MBD5: variants seen among roughly 807,000 people sequenced by gnomAD.
The protein encoded by MBD5 is methyl-CpG binding domain protein 5, also known as methyl-CpG-binding domain protein 5.
In MBD5, 13 loss-of-function variants were observed where a neutral mutation model predicts 117.3. That is an observed-to-expected ratio of 0.11 (90% CI 0.07 to 0.18). MBD5 has a LOEUF of 0.18. Ranked by LOEUF, MBD5 falls within the 10% of genes least tolerant of loss-of-function variation. The pLI is 1.00. For missense variants in MBD5, 1,879 were observed against 2,093.8 expected (o/e 0.90, Z 2.00); for synonymous variants, 727 against 766.4 (o/e 0.95, Z 0.85).
intron 3 of MBD5, among the ~76,000 whole-genome samples, chr2:148,250,049 C>T (rs1349832482): frequency 1.3e-5 from 2 of 152,158 alleles, no homozygotes; most frequent in Non-Finnish European, 2.9e-5. Context: ...TAACTACCCT[C>T]GTAGACCCAC....
intron 1 of MBD5, among the ~76,000 whole-genome samples, chr2:148,142,856 A>T (rs1167290235): frequency 1.3e-5 from 2 of 152,218 alleles, no homozygotes; most frequent in African/African-American, 2.4e-5. Flanking sequence ...TACTAAGTAC[A>T]TATAAAACTA....
chr2:148,422,568 C>A (rs1705643387), intron 4 of MBD5, among the ~76,000 whole-genome samples: 1 of 152,148 alleles, frequency 6.6e-6, no homozygotes, highest in South Asian at 2.1e-4. Context: ...GGGAACAGAA[C>A]TGGACAGAGA....
intron 3 of MBD5, among the ~76,000 whole-genome samples, chr2:148,266,854 A>G (rs954827635): frequency 1.3e-5 from 2 of 152,218 alleles, no homozygotes; most frequent in Non-Finnish European, 2.9e-5. Context: ...AACACAATAA[A>G]ACGCAAATTT....
intron 11 of MBD5, among the ~76,000 whole-genome samples, chr2:148,494,785 C>A (rs1681646662): frequency 1.3e-5 from 2 of 152,054 alleles, no homozygotes; most frequent in Non-Finnish European, 2.9e-5. Context: ...CACGGTGAAA[C>A]CCCGTCTCTA....
rs948400766 is a variant in MBD5, at chr2:148,132,574, C to T, written c.-924-46126C>T. Among the ~76,000 whole-genome samples the T allele has an allele frequency of 3.3e-5, 5 of 152,132 alleles. No individual in the cohort carries two copies. The South Asian group carries it at 1.0e-3, about 32-fold the overall frequency. On this transcript the variant is annotated intron_variant, in intron 1 of 13. Transcript: ENST00000642680. Reference sequence around the variant, plus strand: ...TCCTCATACATCTTTTCCCATCTTGCATAACACAAAAATAGCTAACTGCTT... The same window carrying T: ...TCCTCATACATCTTTTCCCATCTTGTATAACACAAAAATAGCTAACTGCTT...
At chr2:148,488,614 G>A (rs896716291) in intron 10 of MBD5, among the ~76,000 whole-genome samples, 33 of 133,942 alleles carry the variant, frequency 2.5e-4, no homozygotes, top group Admixed American at 4.2e-4. Flanking sequence ...AAAGTTCAAA[G>A]TATCAAGGGT....
intron 1 of MBD5, among the ~76,000 whole-genome samples, chr2:148,111,833 CTA>C (rs1696509934): frequency 6.6e-6 from 1 of 152,040 alleles, no homozygotes; most frequent in African/African-American, 2.4e-5. Flanking sequence ...CCTATATATA[CTA>C]TGTTTTTTTC....
chr2:148,302,650 C>G (rs560880665), intron 3 of MBD5, among the ~76,000 whole-genome samples: 55 of 151,612 alleles, frequency 3.6e-4, no homozygotes, highest in Middle Eastern at 6.8e-3. Context: ...TCTGGGTTTT[C>G]TGGAGACACG....
In MBD5 at chr2:148,151,446, G is replaced by T. The variant is rs552020899; in HGVS notation, c.-924-27254G>T. Among the ~76,000 whole-genome samples the T allele has an allele frequency of 7.2e-5, 11 of 152,326 alleles. No homozygotes were observed. In the South Asian group the frequency reaches 2.3e-3, roughly 32 times the overall value. ...TACCCAGCTTTGGTATCAGAATGAT[G>T]CTGGCCTCATAAAATGAGTTAGGGA... On this transcript the variant is annotated intron_variant, in intron 1 of 13. Coordinates refer to ENST00000642680, the MANE Select transcript of MBD5 (RefSeq NM_001378120.1).
At chr2:148,155,748 A>G (rs573247030) in intron 1 of MBD5, among the ~76,000 whole-genome samples, 1 of 152,322 alleles carries the variant, frequency 6.6e-6, no homozygotes, top group East Asian at 1.9e-4. Flanking sequence ...TGGTTATTAA[A>G]CTTGAAATGA....
At chr2:148,154,584 A>G (rs1697809456) in intron 1 of MBD5, among the ~76,000 whole-genome samples, 2 of 151,738 alleles carry the variant, frequency 1.3e-5, no homozygotes, top group African/African-American at 4.8e-5. Context: ...AATCAGCGAG[A>G]CTCCCTGGGC....
chr2:148,269,809 C>T (rs1475609732), intron 3 of MBD5, among the ~76,000 whole-genome samples: 1 of 151,410 alleles, frequency 6.6e-6, no homozygotes, highest in African/African-American at 2.4e-5. Context: ...TACATATTCT[C>T]ATTCTGGGAT....
chr2:148,160,029 C>G (rs1345082285), intron 1 of MBD5, among the ~76,000 whole-genome samples: 1 of 152,204 alleles, frequency 6.6e-6, no homozygotes, highest in Non-Finnish European at 1.5e-5. Context: ...TGCACACTGG[C>G]TCTCAACCCT....
chr2:148,398,908 G>A (rs969217095), intron 4 of MBD5, among the ~76,000 whole-genome samples: 3 of 152,102 alleles, frequency 2.0e-5, no homozygotes, highest in Non-Finnish European at 4.4e-5. Flanking sequence ...ATTAAATAGG[G>A]AATCCTTTCC....
intron 3 of MBD5, among the ~76,000 whole-genome samples, chr2:148,323,277 G>C (rs1003800310): frequency 1.3e-5 from 2 of 152,076 alleles, no homozygotes; most frequent in East Asian, 1.9e-4. Flanking sequence ...CCAAGTCTTT[G>C]CTATTCTGAA....
At chr2:148,216,015 T>G (rs1699546302) in intron 2 of MBD5, among the ~76,000 whole-genome samples, 1 of 152,210 alleles carries the variant, frequency 6.6e-6, no homozygotes, top group African/African-American at 2.4e-5. Context: ...TTTAAACTTT[T>G]GGTTAAATTT....
At chr2:148,429,304 C>T (rs1574415093) in intron 4 of MBD5, among the ~76,000 whole-genome samples, 1 of 152,192 alleles carries the variant, frequency 6.6e-6, no homozygotes, top group African/African-American at 2.4e-5. Context: ...GAGATACCAT[C>T]TCACACCAGT....
chr2:148,348,705 T>A (rs950589466), intron 4 of MBD5, among the ~76,000 whole-genome samples: 1 of 152,050 alleles, frequency 6.6e-6, no homozygotes, highest in Non-Finnish European at 1.5e-5. Flanking sequence ...AAGGGGTTGC[T>A]GGTGTAGACA....
chr2:148,247,389 T>C (rs1558989880), intron 3 of MBD5, among the ~76,000 whole-genome samples: 1 of 152,176 alleles, frequency 6.6e-6, no homozygotes, highest in Non-Finnish European at 1.5e-5. Flanking sequence ...ATTGGCAATC[T>C]TTTTTTCACA....
Sources: gnomAD v4.1 joint callset for allele counts (sites outside exome capture counted in the v4.1 genomes callset) on GRCh38, gnomAD v4.1.1 for gene constraint, MANE v1.5 for transcripts, NCBI Gene and HGNC (gene_info 2026-07-23, HGNC 2026-07-21) for gene names.